PRKD1: variants seen among roughly 807,000 people sequenced by gnomAD.
The protein encoded by PRKD1 is protein kinase D1, also known as serine/threonine-protein kinase D1.
Under a neutral mutation model 95.9 loss-of-function variants are expected in PRKD1, and 63 were observed. The observed-to-expected ratio is 0.66, with a 90% confidence interval of 0.54 to 0.81. PRKD1 has a LOEUF of 0.81. Among genes scored for constraint, PRKD1 ranks in the 30% least tolerant of loss-of-function variants. PRKD1 has a pLI of 0.00. For missense variants in PRKD1, 1,048 were observed against 1,165.3 expected (o/e 0.90, Z 1.47); for synonymous variants, 425 against 423.1 (o/e 1.00, Z -0.05).
At chr14:29,706,223 A>G (rs1372165542) in intron 2 of PRKD1, among the ~76,000 whole-genome samples, 3 of 152,110 alleles carry the variant, frequency 2.0e-5, no homozygotes, top group Non-Finnish European at 2.9e-5. Context: ...TCATGTGCTT[A>G]CTGGTCATAT....
chr14:29,651,054 T>C (rs1208371722), intron 4 of PRKD1, among the ~76,000 whole-genome samples: 1 of 152,222 alleles, frequency 6.6e-6, no homozygotes. Flanking sequence ...CCCATAATAC[T>C]CAATGTCAAA....
chr14:29,907,515 C>T (rs981299960), intron 1 of PRKD1, among the ~76,000 whole-genome samples: 2 of 152,132 alleles, frequency 1.3e-5, no homozygotes, highest in African/African-American at 4.8e-5. Context: ...GCAAAGATCC[C>T]TGGTCGTGTG....
chr14:29,869,395 G>A lies in PRKD1; in HGVS notation c.264+57854C>T, dbSNP rs138176487. ...GGGGAGGTTGCAGCAAGCAGAGATC[G>A]CACCATTGTACCCCAGTCTGGACAA... On this transcript the variant is annotated intron_variant, in intron 1 of 17. Coordinates refer to ENST00000331968, the MANE Select transcript of PRKD1 (RefSeq NM_002742.3). 6.6e-4 allele frequency among the ~76,000 whole-genome samples: 99 copies of A among 150,910 alleles called. 1 individual carries two copies. Among genetic ancestry groups the A allele is most frequent in the African/African-American group, 2.3e-3 (95 of 41,050 alleles).
intron 1 of PRKD1, among the ~76,000 whole-genome samples, chr14:29,806,046 A>G (rs1407441581): frequency 2.0e-5 from 3 of 152,228 alleles, no homozygotes; most frequent in African/African-American, 7.2e-5. Flanking sequence ...CAGATGCACT[A>G]AATAGATCAA....
At position 29,792,180 on chromosome 14, in the gene PRKD1, T is replaced by C. The variant is rs191217474; in HGVS notation, c.265-66506A>G. Among the ~76,000 whole-genome samples the C allele has an allele frequency of 8.0e-4, 122 of 152,268 alleles. 1 individual carries two copies. Among genetic ancestry groups the C allele is most frequent in the Middle Eastern group, 6.8e-3 (2 of 294 alleles). ...CTTCAAAGTACACAAAATCGTGTTC[T>C]AATATAAAAATATGAAACTTAAAGT... On this transcript the variant is annotated intron_variant, in intron 1 of 17. Transcript: ENST00000331968.
intron 2 of PRKD1, among the ~76,000 whole-genome samples, chr14:29,700,186 C>A (rs1482010088): frequency 7.9e-5 from 12 of 151,630 alleles, no homozygotes; most frequent in East Asian, 3.9e-4. Flanking sequence ...TTTAAAAAAA[C>A]CAGACATTCG....
chr14:29,682,326 GAGA>G (rs1883584537), intron 2 of PRKD1, among the ~76,000 whole-genome samples: 1 of 152,160 alleles, frequency 6.6e-6, no homozygotes, highest in African/African-American at 2.4e-5. Context: ...AGATACAAAT[GAGA>G]AGAATTTCCT....
At chr14:29,910,295 C>T (rs1894660900) in intron 1 of PRKD1, among the ~76,000 whole-genome samples, 1 of 152,156 alleles carries the variant, frequency 6.6e-6, no homozygotes, top group East Asian at 1.9e-4. Context: ...CCGCGAAGGT[C>T]TGCAGCTTCA....
intron 1 of PRKD1, among the ~76,000 whole-genome samples, chr14:29,924,977 T>C (rs1202951255): frequency 6.6e-6 from 1 of 152,074 alleles, no homozygotes; most frequent in Non-Finnish European, 1.5e-5. Flanking sequence ...AGAAACACTA[T>C]CCAGTATATA....
chr14:29,711,270 G>C (rs917500254), intron 2 of PRKD1, among the ~76,000 whole-genome samples: 3 of 151,998 alleles, frequency 2.0e-5, no homozygotes, highest in African/African-American at 7.2e-5. Flanking sequence ...AGTAAGAGAG[G>C]CCAGGACTAT....
intron 1 of PRKD1, among the ~76,000 whole-genome samples, chr14:29,834,511 T>C (rs897178655): frequency 6.6e-6 from 1 of 152,150 alleles, no homozygotes; most frequent in East Asian, 1.9e-4. Context: ...CCCTAAATTT[T>C]AGAAACAAAG....
chr14:29,819,682 T>G (rs1438409932), intron 1 of PRKD1, among the ~76,000 whole-genome samples: 1 of 151,722 alleles, frequency 6.6e-6, no homozygotes. Flanking sequence ...AGAGTGAGAC[T>G]CCGTCTCAAA....
At chr14:29,613,247 G>T (rs1374056066) in intron 13 of PRKD1, among the ~76,000 whole-genome samples, 1 of 152,176 alleles carries the variant, frequency 6.6e-6, no homozygotes, top group Non-Finnish European at 1.5e-5. Context: ...TTCCTCTAGA[G>T]AAATAATTGA....
intron 1 of PRKD1, among the ~76,000 whole-genome samples, chr14:29,797,734 T>C (rs1889876444): frequency 6.6e-6 from 1 of 152,202 alleles, no homozygotes; most frequent in Non-Finnish European, 1.5e-5. Context: ...TGGCCTTAGC[T>C]TTCCTGTCCC....
At chr14:29,656,573 C>A in intron 4 of PRKD1, 5 of 1,452,754 alleles carry the variant, frequency 3.4e-6, no homozygotes, top group Non-Finnish European at 4.7e-6. Context: ...AGGAAAACAA[C>A]GTTATTGGAT....
chr14:29,797,353 C>T (rs1013318628), intron 1 of PRKD1, among the ~76,000 whole-genome samples: 6 of 152,034 alleles, frequency 3.9e-5, no homozygotes, highest in Non-Finnish European at 7.4e-5. Context: ...AAGTTTACAT[C>T]AATAAAACAG....
At chr14:29,802,511 G>A (rs1314668419) in intron 1 of PRKD1, among the ~76,000 whole-genome samples, 1 of 152,194 alleles carries the variant, frequency 6.6e-6, no homozygotes, top group Admixed American at 6.5e-5. Flanking sequence ...TACTTTACAA[G>A]TTAATTGACA....
At chr14:29,657,388 C>T (rs1391777877) in intron 4 of PRKD1, 5 of 152,150 alleles carry the variant, frequency 3.3e-5, no homozygotes, top group African/African-American at 9.7e-5. Context: ...CATGACTGAG[C>T]TTTGAAATGT....
At chr14:29,602,157 A>G (rs1893543983) in intron 13 of PRKD1, among the ~76,000 whole-genome samples, 1 of 152,188 alleles carries the variant, frequency 6.6e-6, no homozygotes, top group Admixed American at 6.5e-5. Context: ...GAGCAGAGCA[A>G]CAGAAGTAGA....
Sources: allele counts gnomAD v4.1 joint callset (sites outside exome capture counted in the v4.1 genomes callset), GRCh38; gene constraint gnomAD v4.1.1; transcripts MANE v1.5; gene names NCBI Gene and HGNC (gene_info 2026-07-23, HGNC 2026-07-21).